Variants in RAD51C observed in about 807,000 individuals in gnomAD.
RAD51C encodes RAD51 paralog C.
In RAD51C, 42 loss-of-function variants were observed where a neutral mutation model predicts 45.0. That is an observed-to-expected ratio of 0.93 (90% CI 0.73 to 1.21). The LOEUF (loss-of-function observed/expected upper bound fraction) is 1.21, where lower values mean the gene tolerates loss of function less well. RAD51C is among the 50% of genes most tolerant of loss of function. RAD51C has a pLI of 0.00. For missense variants in RAD51C, 474 were observed against 452.2 expected, an observed-to-expected ratio of 1.05 and a Z score of -0.44; for synonymous variants, 172 against 159.8, an observed-to-expected ratio of 1.08 and a Z score of -0.58.
At chr17:58,732,373 A>T in intron 7 of RAD51C, 111 bp from the exon 8 acceptor site, 1 of 873,562 alleles carries the variant, frequency 1.1e-6, no homozygotes, top group Admixed American at 2.4e-5. Context: ...GAGAAAAAAT[A>T]GAATTATTAA....
intron 5 of RAD51C, among the ~76,000 whole-genome samples, chr17:58,717,724 A>G (rs2048788919): frequency 1.3e-5 from 2 of 152,182 alleles, no homozygotes; most frequent in Non-Finnish European, 2.9e-5. Context: ...CAACAGAGTG[A>G]GACCTTGTCT....
At chr17:58,728,680 G>T (rs557832803) in intron 7 of RAD51C, among the ~76,000 whole-genome samples, 1 of 152,110 alleles carries the variant, frequency 6.6e-6, no homozygotes, top group Non-Finnish European at 1.5e-5. Context: ...TTATAGGCGT[G>T]AGCCACAGCA....
At position 58,703,273 on chromosome 17, in the gene RAD51C, A is replaced by C; in HGVS notation, c.649A>C (p.Thr217Pro). 6.2e-7 allele frequency: 1 copy of C among 1,610,190 alleles called. No individual in the cohort carries two copies. The highest frequency in any genetic ancestry group is 8.5e-7 in the Non-Finnish European group (1 of 1,176,648). The change falls in exon 4 of 9, where the codon ACA (threonine) becomes CCA (proline). Residue 217 changes from threonine to proline, a missense_variant. Transcript: ENST00000337432. Reference sequence around the variant, plus strand: ...TTATTATTTTCGCTGTCGTGACTACACAGAGTTACTGGCACAAGTTTATCT... The same window carrying C: ...TTATTATTTTCGCTGTCGTGACTACCCAGAGTTACTGGCACAAGTTTATCT... Reference protein sequence around the residue: ...HIYYFRCRDYTELLAQVYLLP... With the variant: ...HIYYFRCRDYPELLAQVYLLP...
At chr17:58,707,252 C>T (rs927974117) in intron 4 of RAD51C, among the ~76,000 whole-genome samples, 8 of 152,296 alleles carry the variant, frequency 5.3e-5, no homozygotes, top group African/African-American at 1.9e-4. Context: ...GGCATGGTGG[C>T]TCACACCTGT....
intron 5 of RAD51C, among the ~76,000 whole-genome samples, chr17:58,711,747 C>T (rs1397899721): frequency 1.3e-5 from 2 of 152,058 alleles, no homozygotes; most frequent in African/African-American, 4.8e-5. Context: ...ACTAGGATTA[C>T]ATGCATAAGC....
intron 3 of RAD51C, among the ~76,000 whole-genome samples, chr17:58,700,759 A>G (rs1368530788): frequency 6.6e-6 from 1 of 152,016 alleles, no homozygotes; most frequent in Non-Finnish European, 1.5e-5. Flanking sequence ...TAAATGATTG[A>G]TATGAGATTA....
At chr17:58,701,323 A>G (rs946577468) in intron 3 of RAD51C, among the ~76,000 whole-genome samples, 5 of 151,766 alleles carry the variant, frequency 3.3e-5, no homozygotes, top group Non-Finnish European at 5.9e-5. Context: ...CCTTGCTAAC[A>G]TGGTGAAACC....
At chr17:58,720,368 A>AT (rs2048873814) in intron 5 of RAD51C, among the ~76,000 whole-genome samples, 1 of 151,088 alleles carries the variant, frequency 6.6e-6, no homozygotes, top group Admixed American at 6.6e-5. Flanking sequence ...GTGGGCAGAG[A>AT]TTGTGCCACT....
chr17:58,704,021 G>C (rs920714690), intron 4 of RAD51C, among the ~76,000 whole-genome samples: 2 of 137,466 alleles, frequency 1.5e-5, no homozygotes, highest in African/African-American at 5.3e-5. Context: ...CTCCCAGAGT[G>C]CTGGGATTAT....
chr17:58,693,041 C>G, intron 1 of RAD51C: 1 of 523,070 alleles, frequency 1.9e-6, no homozygotes, highest in Non-Finnish European at 3.4e-6. Context: ...AGGATTGTCT[C>G]ATTTAACCCT....
chr17:58,710,317 TAAAA>T (rs71143280), intron 5 of RAD51C, among the ~76,000 whole-genome samples: 2 of 67,414 alleles, frequency 3.0e-5, no homozygotes, highest in Admixed American at 1.9e-4. Context: ...CTGTCTCTAC[TAAAA>T]AAAAAAAAAA....
chr17:58,705,045 C>T (rs1004286769), intron 4 of RAD51C, among the ~76,000 whole-genome samples: 6 of 151,706 alleles, frequency 4.0e-5, no homozygotes, highest in African/African-American at 1.5e-4. Context: ...ACAGGAGAAT[C>T]GCTTGAACCT....
At chr17:58,705,114 G>GAC (rs2048334655) in intron 4 of RAD51C, among the ~76,000 whole-genome samples, 1 of 151,182 alleles carries the variant, frequency 6.6e-6, no homozygotes, top group South Asian at 2.1e-4. Flanking sequence ...CTGGGAGACA[G>GAC]AGAGACTCTG....
chr17:58,719,160 A>G (rs976042092), intron 5 of RAD51C, among the ~76,000 whole-genome samples: 3 of 151,732 alleles, frequency 2.0e-5, no homozygotes, highest in African/African-American at 7.3e-5. Flanking sequence ...GGAGGCGGAG[A>G]TTGCAGTGAG....
intron 7 of RAD51C, among the ~76,000 whole-genome samples, chr17:58,726,009 A>C (rs1035323557): frequency 4.6e-5 from 7 of 151,690 alleles, no homozygotes; most frequent in African/African-American, 1.4e-4. Context: ...AAAAAAAAAA[A>C]AAAAAAACAA....
At chr17:58,732,617 T>C in intron 8 of RAD51C, 73 bp downstream of exon 8, 1 of 1,461,050 alleles carries the variant, frequency 6.8e-7, no homozygotes, top group Non-Finnish European at 9.6e-7. Flanking sequence ...AATTTACAAC[T>C]TGCTTCTGTC....
intron 5 of RAD51C, among the ~76,000 whole-genome samples, chr17:58,712,713 G>A (rs1393963802): frequency 1.3e-5 from 2 of 152,018 alleles, no homozygotes; most frequent in East Asian, 1.9e-4. Context: ...TCAGCTACTC[G>A]GGAGGCTGAG....
chr17:58,731,143 A>AT (rs1263271440), intron 7 of RAD51C, among the ~76,000 whole-genome samples: 2 of 152,062 alleles, frequency 1.3e-5, no homozygotes, highest in African/African-American at 4.8e-5. Context: ...ATTCCATTGT[A>AT]TGTACATACC....
chr17:58,734,568 ACATAT>A lies in RAD51C; in HGVS notation c.*352_*356del, dbSNP rs1310423810. On this transcript the variant is annotated 3_prime_UTR_variant, in exon 9 of 9. Coordinates refer to ENST00000337432, the MANE Select transcript of RAD51C (RefSeq NM_058216.3). ...GTTGCCTATAAAATCTTAGGAAGAAACATATCATATTCTTATTGTGTTTTTTTTTT... is the reference window on the plus strand; with the variant it reads ...GTTGCCTATAAAATCTTAGGAAGAAACATATTCTTATTGTGTTTTTTTTTT... 2 of 312,056 alleles carry A rather than the reference ACATAT, an allele frequency of 6.4e-6. No individual in the cohort carries two copies. Among genetic ancestry groups the A allele is most frequent in the African/African-American group, 2.2e-5 (1 of 45,630 alleles). 19.3% of individuals were successfully genotyped at this position (312,056 alleles called of 1,614,324 possible).
Sources: gnomAD v4.1 joint callset for allele counts (sites outside exome capture counted in the v4.1 genomes callset) on GRCh38, gnomAD v4.1.1 for gene constraint, MANE v1.5 for transcripts, NCBI Gene and HGNC (gene_info 2026-07-23, HGNC 2026-07-21) for gene names.